Variants in FNDC5 observed in about 807,000 individuals in gnomAD.
FNDC5 encodes fibronectin type III domain-containing protein 5.
In FNDC5, 10 loss-of-function variants were observed where a neutral mutation model predicts 24.6. The ratio of observed to expected loss-of-function variants is 0.41; its 90% CI spans 0.25 to 0.69. The LOEUF is 0.69. Ranked by LOEUF, FNDC5 falls within the 30% of genes least tolerant of loss-of-function variation. FNDC5 has a pLI of 0.34. For synonymous variants in FNDC5, 90 were observed against 110.7 expected (o/e 0.81, Z 1.18); for missense variants, 226 against 282.9 (o/e 0.80, Z 1.44).
At chr1:32,864,476 CT>C (rs1362831222) in intron 5 of FNDC5, 177 bp from the exon 6 acceptor site, 4 of 1,478,706 alleles carry the variant, frequency 2.7e-6, no homozygotes, top group Non-Finnish European at 3.6e-6. Context: ...CCACTGGCCC[CT>C]GGCACCCTGC....
intron 1 of FNDC5, 32 bp downstream of exon 1, chr1:32,870,621 C>T (rs1052334989): frequency 1.7e-6 from 2 of 1,181,402 alleles, no homozygotes; most frequent in Non-Finnish European, 2.1e-6. Flanking sequence ...GAGCCTGCCC[C>T]GGCGCCGGCC....
intron 4 of FNDC5, among the ~76,000 whole-genome samples, chr1:32,865,216 C>T (rs1641047783): frequency 6.6e-6 from 1 of 152,066 alleles, no homozygotes; most frequent in Admixed American, 6.5e-5. Flanking sequence ...TCTCCTGCCT[C>T]AGCCTCCCGA....
chr1:32,871,807 G>A (rs915894799), upstream of FNDC5, among the ~76,000 whole-genome samples: 1 of 152,186 alleles, frequency 6.6e-6, no homozygotes, highest in East Asian at 1.9e-4. Context: ...CCAGAAAACA[G>A]TCTGCAGCAA....
rs1348696341 is a variant in FNDC5, at chr1:32,863,693, C to T, written c.*601G>A. 1.3e-5 allele frequency: 17 copies of T among 1,304,068 alleles called. No homozygotes were observed. Among genetic ancestry groups the T allele is most frequent in the Non-Finnish European group, 1.7e-5 (17 of 988,854 alleles). 80.8% of individuals were successfully genotyped at this position (1,304,068 alleles called of 1,614,324 possible). ...CTCCCTGTGCCCGTGGGCCTGGGGA[C>T]CAGCTGAGAAGAAAAATGGAATCCT... On this transcript the variant is annotated 3_prime_UTR_variant, in exon 6 of 6. Transcript: ENST00000373471.
rs1393451232 is a variant in FNDC5, at chr1:32,868,069, T to A, written c.409+121A>T. The A allele has an allele frequency of 2.3e-5, 29 of 1,235,446 alleles. No homozygotes were observed. The highest frequency in any genetic ancestry group is 3.3e-5 in the Non-Finnish European group (29 of 866,600). The allele number at this position is 1,235,446 out of a possible 1,614,324, so 76.5% of individuals were successfully genotyped here. A position where few individuals can be genotyped will look rare whatever the true frequency, so the allele number is the denominator to read the frequency against. ...CTAGCGTGAACCCTCTCTCAGGTACTGCTTTACTTGCCAGCAGGGGATAAG... is the reference window on the plus strand; with the variant it reads ...CTAGCGTGAACCCTCTCTCAGGTACAGCTTTACTTGCCAGCAGGGGATAAG... On this transcript the variant is annotated intron_variant, in intron 3 of 5. Coordinates refer to ENST00000373471, the MANE Select transcript of FNDC5 (RefSeq NM_153756.3). This position sits in a 1 kb window ranked among gnomAD's most constrained non-coding sequence, Gnocchi z 4.8.
chr1:32,866,355 C>G (rs1641070412), intron 4 of FNDC5, among the ~76,000 whole-genome samples: 1 of 152,152 alleles, frequency 6.6e-6, no homozygotes, highest in Non-Finnish European at 1.5e-5. Flanking sequence ...CCTTTCTCAA[C>G]CACCATGGTA....
chr1:32,868,247 C>T lies in FNDC5; in HGVS notation c.352G>A (p.Glu118Lys), dbSNP rs769640098. ...CGCGGGGTCTTGAAGAGCACAGGCT[C>T]GCTGGCTGGGCTCTGGCCCTGAATG... Residue 118 changes from glutamate to lysine, a missense_variant, in exon 3 of 6, where the codon GAG (glutamate) becomes AAG (lysine). Glu to Lys is a moderately conservative substitution (Grantham distance 56, BLOSUM62 1). Coordinates refer to ENST00000373471, the MANE Select transcript of FNDC5 (RefSeq NM_153756.3). The surrounding 1 kb of genome is among the most constrained non-coding windows in gnomAD (Gnocchi z 4.8). The T allele has an allele frequency of 1.6e-5, 26 of 1,614,060 alleles. No individual in the cohort carries two copies. In the Middle Eastern group the frequency reaches 4.9e-4, roughly 31 times the overall value.
rs1031372438 is a variant in FNDC5, at chr1:32,868,522, T to G, written c.211-134A>C. 9.4e-7 allele frequency: 1 copy of G among 1,059,936 alleles called. No individual in the cohort carries two copies. Among genetic ancestry groups the G allele is most frequent in the African/African-American group, 1.6e-5 (1 of 62,966 alleles). The allele number at this position is 1,059,936 out of a possible 1,614,324, so 65.7% of individuals were successfully genotyped here. The stretch of plus-strand genomic sequence containing the variant: ...CACCTCCGCTATCAATATCTCCATT[T>G]TACAGGGAAGGAAACAGGTTCAGAG... On this transcript the variant is annotated intron_variant, in intron 2 of 5. Transcript: ENST00000373471. This position sits in a 1 kb window ranked among gnomAD's most constrained non-coding sequence, Gnocchi z 4.8.
Position 32,863,575 on chromosome 1 carries a change from T to G in FNDC5, c.*719A>C. 1.5e-6 allele frequency: 1 copy of G among 645,312 alleles called. No homozygotes were observed. The highest frequency in any genetic ancestry group is 2.3e-6 in the Non-Finnish European group (1 of 427,768). The allele number at this position is 645,312 out of a possible 1,614,324, so 40.0% of individuals were successfully genotyped here. On this transcript the variant is annotated 3_prime_UTR_variant, in exon 6 of 6. Transcript: ENST00000373471. The stretch of plus-strand genomic sequence containing the variant: ...TTTTTATTTTTTTGCAGAATTTGGG[T>G]TTGTAGTGCAGCCTCCTTCATCTGA...
chr1:32,868,475 T>C lies in FNDC5; in HGVS notation c.211-87A>G. 7.4e-7 allele frequency: 1 copy of C among 1,348,978 alleles called. No homozygotes were observed. The highest frequency in any genetic ancestry group is 1.0e-6 in the Non-Finnish European group (1 of 982,524). 83.6% of individuals were successfully genotyped at this position (1,348,978 alleles called of 1,614,324 possible). ...TCCCAGTGGTGACAAAGCCTTTACA[T>C]ACACAATCTTCATCATTCCATCACC... On this transcript the variant is annotated intron_variant, in intron 2 of 5. Coordinates refer to ENST00000373471, the MANE Select transcript of FNDC5 (RefSeq NM_153756.3). The surrounding 1 kb of genome is among the most constrained non-coding windows in gnomAD (Gnocchi z 4.8).
In FNDC5 at chr1:32,863,689, G is replaced by A; in HGVS notation, c.*605C>T. On this transcript the variant is annotated 3_prime_UTR_variant, in exon 6 of 6. Transcript: ENST00000373471. The stretch of plus-strand genomic sequence containing the variant: ...CCCTCTCCCTGTGCCCGTGGGCCTG[G>A]GGACCAGCTGAGAAGAAAAATGGAA... 2 of 1,303,956 alleles carry A rather than the reference G, an allele frequency of 1.5e-6. No individual in the cohort carries two copies. Among genetic ancestry groups the A allele is most frequent in the Non-Finnish European group, 2.0e-6 (2 of 988,656 alleles). 80.8% of individuals were successfully genotyped at this position (1,303,956 alleles called of 1,614,324 possible).
intron 5 of FNDC5, 52 bp downstream of exon 5, chr1:32,864,612 A>G: frequency 6.2e-7 from 1 of 1,612,222 alleles, no homozygotes; most frequent in South Asian, 1.1e-5. Context: ...TCCAGGGATT[A>G]CCAGAGCATG....
At chr1:32,864,877 A>T (rs1641041423) in intron 4 of FNDC5, 80 bp from the exon 5 acceptor site, 8 of 1,570,942 alleles carry the variant, frequency 5.1e-6, no homozygotes, top group Non-Finnish European at 6.0e-6. Flanking sequence ...AGTGCTTGCC[A>T]ATGGTCTCTC....
chr1:32,872,069 C>T (rs571422085), upstream of FNDC5, among the ~76,000 whole-genome samples: 4 of 152,198 alleles, frequency 2.6e-5, no homozygotes, highest in South Asian at 6.2e-4. Flanking sequence ...CAAAGTTCTG[C>T]CACAGAAACG....
At position 32,867,737 on chromosome 1, in the gene FNDC5, C is replaced by G; in HGVS notation, c.499+16G>C. On this transcript the variant is annotated intron_variant, in intron 4 of 5. Coordinates refer to ENST00000373471, the MANE Select transcript of FNDC5 (RefSeq NM_153756.3). The stretch of plus-strand genomic sequence containing the variant: ...AGAATCTGAGGGAAGAAGAAGGTCT[C>G]GGAGGCCAGACTCACCTGCCCACAT... 1 of 1,611,602 alleles carries G rather than the reference C, an allele frequency of 6.2e-7. No homozygotes were observed. Among genetic ancestry groups the G allele is most frequent in the Non-Finnish European group, 8.5e-7 (1 of 1,178,104 alleles).
intron 1 of FNDC5, 105 bp downstream of exon 1, chr1:32,870,548 A>G (rs547862368): frequency 2.7e-5 from 17 of 624,140 alleles, no homozygotes; most frequent in East Asian, 9.8e-5. Flanking sequence ...GTTTGGGCCG[A>G]GACAGGAGTC....
Position 32,870,695 on chromosome 1 carries a change from G to A in FNDC5, c.52C>T (p.Arg18Cys). ...AAGCAGACGCAGCCCAGCCACAGGCGGAGCGCGGCGCGGGCGCGGGGCGGC... is the reference window on the plus strand; with the variant it reads ...AAGCAGACGCAGCCCAGCCACAGGCAGAGCGCGGCGCGGGCGCGGGGCGGC... Residue 18 changes from arginine to cysteine, a missense_variant, in exon 1 of 6, where the codon CGC (arginine) becomes TGC (cysteine). Physicochemically the swap from Arg to Cys is radical, Grantham distance 180 (BLOSUM62 -3). Coordinates refer to ENST00000373471, the MANE Select transcript of FNDC5 (RefSeq NM_153756.3). The A allele has an allele frequency of 8.3e-7, 1 of 1,201,060 alleles. No individual in the cohort carries two copies. Among genetic ancestry groups the A allele is most frequent in the African/African-American group, 1.6e-5 (1 of 63,062 alleles). 74.4% of individuals were successfully genotyped at this position (1,201,060 alleles called of 1,614,324 possible). A position where few individuals can be genotyped will look rare whatever the true frequency, so the allele number is the denominator to read the frequency against.
At position 32,868,359 on chromosome 1, in the gene FNDC5, G is replaced by C; in HGVS notation, c.240C>G (p.Ile80Met). Reference sequence around the variant, plus strand: ...AGCGGGTGGTGGTGTTCACCTCCTGGATGAAGCGCAGCATCCGCACATCCT... The same window carrying C: ...AGCGGGTGGTGGTGTTCACCTCCTGCATGAAGCGCAGCATCCGCACATCCT... The change falls in exon 3 of 6, where the codon ATC becomes ATG. Residue 80 changes from isoleucine to methionine, a missense_variant. Ile to Met is a conservative substitution (Grantham distance 10). Coordinates refer to ENST00000373471, the MANE Select transcript of FNDC5 (RefSeq NM_153756.3). The surrounding 1 kb of genome is among the most constrained non-coding windows in gnomAD (Gnocchi z 4.8). The C allele has an allele frequency of 6.2e-7, 1 of 1,614,130 alleles. No individual in the cohort carries two copies.
chr1:32,868,125 C>A lies in FNDC5; in HGVS notation c.409+65G>T. 6.4e-7 allele frequency: 1 copy of A among 1,567,824 alleles called. No individual in the cohort carries two copies. The highest frequency in any genetic ancestry group is 1.1e-5 in the South Asian group (1 of 87,022). The stretch of plus-strand genomic sequence containing the variant: ...GGAGACAGAGCTTTCCTCAAGCCAC[C>A]CACTGGTCTGGTCCTGACCACCCCT... On this transcript the variant is annotated intron_variant, in intron 3 of 5. Coordinates refer to ENST00000373471, the MANE Select transcript of FNDC5 (RefSeq NM_153756.3). This position sits in a 1 kb window ranked among gnomAD's most constrained non-coding sequence, Gnocchi z 4.8.
Sources: allele counts gnomAD v4.1 joint callset (sites outside exome capture counted in the v4.1 genomes callset), GRCh38; gene constraint gnomAD v4.1.1; non-coding constraint Gnocchi (gnomAD v3.1); transcripts MANE v1.5; gene names NCBI Gene and HGNC (gene_info 2026-07-23, HGNC 2026-07-21).